The following RGS9 variants were observed in gnomAD, a reference collection of about 807,000 sequenced individuals.
RGS9 encodes regulator of G-protein signalling 9.
RGS9 carries 78 observed loss-of-function variants against 102.0 expected under a neutral mutation model. The ratio of observed to expected loss-of-function variants is 0.76; its 90% CI spans 0.64 to 0.92. The LOEUF is 0.92. Among genes scored for constraint, RGS9 ranks in the 40% least tolerant of loss-of-function variants. The probability of loss-of-function intolerance (pLI) is 0.00; values close to 1 mark genes in which losing one functional copy is unlikely to be tolerated. For missense variants in RGS9, 833 were observed against 866.1 expected, an observed-to-expected ratio of 0.96 and a Z score of 0.48; for synonymous variants, 353 against 318.6, an observed-to-expected ratio of 1.11 and a Z score of -1.15.
intron 16 of RGS9, among the ~76,000 whole-genome samples, chr17:65,209,610 A>G (rs1913210306): frequency 6.6e-6 from 1 of 152,168 alleles, no homozygotes; most frequent in Non-Finnish European, 1.5e-5. Context: ...GGTTCCAGGA[A>G]TCCAGTTTGG....
intron 8 of RGS9, among the ~76,000 whole-genome samples, chr17:65,171,110 C>T (rs1274522918): frequency 2.6e-5 from 4 of 152,204 alleles, no homozygotes; most frequent in Non-Finnish European, 5.9e-5. Flanking sequence ...CCGTGTCAGA[C>T]TGTAACCAAC....
intron 8 of RGS9, among the ~76,000 whole-genome samples, chr17:65,169,556 GC>G (rs1045419933): frequency 2.0e-5 from 3 of 152,182 alleles, no homozygotes; most frequent in African/African-American, 7.2e-5. Flanking sequence ...ACACCTTGGT[GC>G]CCAGTGGCAC....
intron 8 of RGS9, among the ~76,000 whole-genome samples, chr17:65,168,651 T>G (rs906652765): frequency 3.7e-5 from 5 of 136,168 alleles, no homozygotes; most frequent in East Asian, 2.1e-4. Context: ...TGCAGAAAAA[T>G]AGAGTCCCGT....
At chr17:65,163,368 AT>A (rs1911060551) in intron 7 of RGS9, among the ~76,000 whole-genome samples, 1 of 150,914 alleles carries the variant, frequency 6.6e-6, no homozygotes, top group Non-Finnish European at 1.5e-5. Flanking sequence ...TATTATTTGT[AT>A]TTTTAGTAGA....
At chr17:65,190,736 A>T (rs1378865369) in intron 11 of RGS9, among the ~76,000 whole-genome samples, 1 of 152,214 alleles carries the variant, frequency 6.6e-6, no homozygotes, top group Non-Finnish European at 1.5e-5. Context: ...AGCCCCCCAT[A>T]GGACATCATC....
intron 1 of RGS9, among the ~76,000 whole-genome samples, chr17:65,139,016 A>AGTCTCCCTTCCTCCACCCTG (rs1910030986): frequency 2.7e-4 from 1 of 3,650 alleles, no homozygotes; most frequent in African/African-American, 8.0e-4. Flanking sequence ...TCCTCCACCC[A>AGTCTCCCTTCCTCCACCCTG]AACTCTCCCT....
At chr17:65,140,405 A>T (rs896264973) in intron 1 of RGS9, among the ~76,000 whole-genome samples, 2 of 152,188 alleles carry the variant, frequency 1.3e-5, no homozygotes, top group Admixed American at 1.3e-4. Context: ...GTTTGGGGCC[A>T]TGTTCTGTAA....
At chr17:65,144,923 C>T (rs924420512) in intron 1 of RGS9, among the ~76,000 whole-genome samples, 5 of 152,114 alleles carry the variant, frequency 3.3e-5, no homozygotes, top group South Asian at 4.1e-4. Context: ...AAGTGTGGCA[C>T]GGTTGGCTTC....
chr17:65,205,766 AT>A (rs1203513632), intron 15 of RGS9, among the ~76,000 whole-genome samples: 1 of 151,872 alleles, frequency 6.6e-6, no homozygotes, highest in Non-Finnish European at 1.5e-5. Flanking sequence ...GATATACATT[AT>A]ATGATATAGG....
At chr17:65,143,598 A>G (rs923382199) in intron 1 of RGS9, among the ~76,000 whole-genome samples, 3 of 152,082 alleles carry the variant, frequency 2.0e-5, no homozygotes, top group African/African-American at 7.2e-5. Context: ...CCTGGGCAAC[A>G]TGGTGAAACC....
intron 5 of RGS9, 46 bp from the exon 6 acceptor site, chr17:65,160,805 G>T (rs545539259): frequency 1.1e-4 from 171 of 1,592,720 alleles, no homozygotes; most frequent in East Asian, 5.6e-4. Flanking sequence ...CTGCAGATGG[G>T]GTTTTGAAAG....
At chr17:65,145,482 G>A (rs1910318412) in intron 1 of RGS9, among the ~76,000 whole-genome samples, 1 of 151,772 alleles carries the variant, frequency 6.6e-6, no homozygotes, top group Admixed American at 6.6e-5. Flanking sequence ...TCTGCCTCCC[G>A]GGTTCAAGCG....
chr17:65,147,386 T>G (rs542480537), intron 1 of RGS9, among the ~76,000 whole-genome samples: 41 of 152,032 alleles, frequency 2.7e-4, no homozygotes, highest in African/African-American at 8.9e-4. Flanking sequence ...AATGCTGGTT[T>G]AGCAATAAAG....
At chr17:65,210,764 C>T (rs886365166) in intron 17 of RGS9, 159 bp downstream of exon 17, 15 of 1,239,628 alleles carry the variant, frequency 1.2e-5, no homozygotes, top group Admixed American at 2.1e-5. Flanking sequence ...TGGAGGTCAT[C>T]AGGTTCATCC....
chr17:65,211,777 C>T (rs923934376), intron 17 of RGS9, among the ~76,000 whole-genome samples: 4 of 152,238 alleles, frequency 2.6e-5, no homozygotes, highest in Non-Finnish European at 2.9e-5. Flanking sequence ...GTGCAAACAT[C>T]GGTGAATAAA....
chr17:65,199,492 T>C (rs1912733857), intron 13 of RGS9, among the ~76,000 whole-genome samples: 2 of 96,582 alleles, frequency 2.1e-5, no homozygotes, highest in African/African-American at 1.7e-4. Flanking sequence ...CTGTTCCTTT[T>C]TTTTTTTTTT....
intron 8 of RGS9, among the ~76,000 whole-genome samples, chr17:65,174,172 A>T (rs1911525852): frequency 6.6e-6 from 1 of 152,222 alleles, no homozygotes; most frequent in African/African-American, 2.4e-5. Flanking sequence ...ACTCTATCTC[A>T]GTTATGCAGT....
At chr17:65,155,635 G>A (rs1910739587) in intron 2 of RGS9, among the ~76,000 whole-genome samples, 1 of 152,082 alleles carries the variant, frequency 6.6e-6, no homozygotes, top group Admixed American at 6.6e-5. Flanking sequence ...TGACCTCCTG[G>A]GCTCAAGTGA....
chr17:65,189,140 C>A, intron 9 of RGS9, 146 bp from the exon 10 acceptor site: 1 of 689,274 alleles, frequency 1.5e-6, no homozygotes, highest in Non-Finnish European at 2.6e-6. Context: ...AGAGTGGAGG[C>A]AGTAGACATG....
Sources: gnomAD v4.1 joint callset for allele counts (sites outside exome capture counted in the v4.1 genomes callset) on GRCh38, gnomAD v4.1.1 for gene constraint, MANE v1.5 for transcripts, NCBI Gene and HGNC (gene_info 2026-07-23, HGNC 2026-07-21) for gene names.